Variants in METTL15 observed in about 807,000 individuals in gnomAD.
METTL15 encodes 12S rRNA N(4)-cytidine methyltransferase METTL15.
Under a neutral mutation model 38.3 loss-of-function variants are expected in METTL15, and 34 were observed. The ratio of observed to expected loss-of-function variants is 0.89; its 90% CI spans 0.68 to 1.18. METTL15 has a LOEUF of 1.18. METTL15 is among the 50% of genes most tolerant of loss of function. METTL15 has a pLI of 0.00. For missense variants in METTL15, 438 were observed against 498.4 expected (o/e 0.88, Z 1.15); for synonymous variants, 162 against 170.9 (o/e 0.95, Z 0.41).
intron 6 of METTL15, among the ~76,000 whole-genome samples, chr11:28,313,424 A>C (rs1360584497): frequency 6.6e-6 from 1 of 151,978 alleles, no homozygotes; most frequent in Non-Finnish European, 1.5e-5. Flanking sequence ...TTCATTATTA[A>C]TAATCAATGA....
intron 3 of METTL15, among the ~76,000 whole-genome samples, chr11:28,136,018 T>C (rs931920943): frequency 6.6e-6 from 1 of 152,180 alleles, no homozygotes; most frequent in Non-Finnish European, 1.5e-5. Flanking sequence ...TCCAAAGATA[T>C]CAGAAACCTG....
chr11:28,180,277 A>T (rs956319576), intron 3 of METTL15, among the ~76,000 whole-genome samples: 1 of 151,882 alleles, frequency 6.6e-6, no homozygotes, highest in African/African-American at 2.4e-5. Context: ...CAGACATTTT[A>T]AAATGTTTTC....
chr11:28,120,532 A>G (rs537305000), intron 3 of METTL15, among the ~76,000 whole-genome samples: 39 of 152,010 alleles, frequency 2.6e-4, no homozygotes, highest in Middle Eastern at 3.4e-3. Context: ...TGTGAATTAA[A>G]AAAAAACAAA....
intron 5 of METTL15, among the ~76,000 whole-genome samples, chr11:28,388,838 C>T (rs1320637921): frequency 1.3e-5 from 2 of 152,000 alleles, no homozygotes; most frequent in East Asian, 3.9e-4. Context: ...CCCCTACACC[C>T]ACCCCACAAC....
At chr11:28,444,028 A>G (rs1001918912) in intron 6 of METTL15, among the ~76,000 whole-genome samples, 2 of 152,220 alleles carry the variant, frequency 1.3e-5, no homozygotes, top group Non-Finnish European at 2.9e-5. Context: ...TGTAATTACA[A>G]ACTATAAACA....
chr11:28,428,687 A>G (rs895391142), intron 6 of METTL15, among the ~76,000 whole-genome samples: 5 of 152,204 alleles, frequency 3.3e-5, no homozygotes, highest in African/African-American at 1.2e-4. Flanking sequence ...TATATCTGAC[A>G]TAGGGGCTCA....
At chr11:28,439,740 AT>A in intron 6 of METTL15, among the ~76,000 whole-genome samples, 1 of 152,278 alleles carries the variant, frequency 6.6e-6, no homozygotes, top group East Asian at 1.9e-4. Flanking sequence ...ATCTGTTGGA[AT>A]TTTATAGGAC....
intron 4 of METTL15, among the ~76,000 whole-genome samples, chr11:28,272,539 C>T (rs1855686211): frequency 6.6e-6 from 1 of 152,058 alleles, no homozygotes; most frequent in South Asian, 2.1e-4. Context: ...GGACACAGGG[C>T]AGGGAACATC....
At chr11:28,424,227 A>T (rs1850846189) in intron 5 of METTL15, 1 of 152,316 alleles carries the variant, frequency 6.6e-6, no homozygotes, top group Middle Eastern at 3.4e-3. Flanking sequence ...ACTTCATCTT[A>T]CAGAAAACTA....
intron 3 of METTL15, among the ~76,000 whole-genome samples, chr11:28,202,897 G>A (rs1001508337): frequency 6.6e-6 from 1 of 152,094 alleles, no homozygotes; most frequent in African/African-American, 2.4e-5. Flanking sequence ...CCCTCATACT[G>A]TTATGGCTAA....
chr11:28,346,390 G>T (rs768704640), intron 3 of METTL15, among the ~76,000 whole-genome samples: 2 of 152,084 alleles, frequency 1.3e-5, no homozygotes, highest in Non-Finnish European at 2.9e-5. Context: ...AGTGTTAATT[G>T]CATTACTCAC....
At chr11:28,342,390 G>T (rs997342491) in intron 3 of METTL15, among the ~76,000 whole-genome samples, 33 of 151,938 alleles carry the variant, frequency 2.2e-4, no homozygotes, top group Middle Eastern at 6.8e-3. Context: ...GGCCTCCCGA[G>T]TAGCTGGGAC....
intron 5 of METTL15, among the ~76,000 whole-genome samples, chr11:28,365,548 T>C (rs1850177336): frequency 6.6e-6 from 1 of 152,078 alleles, no homozygotes; most frequent in Non-Finnish European, 1.5e-5. Flanking sequence ...TTGCATTTAT[T>C]TGAATCTTCT....
At chr11:28,154,279 A>T (rs192082557) in intron 3 of METTL15, among the ~76,000 whole-genome samples, 2 of 151,632 alleles carry the variant, frequency 1.3e-5, no homozygotes, top group Non-Finnish European at 2.9e-5. Flanking sequence ...TTGATTTCCC[A>T]TTTTTTTTGT....
At chr11:28,303,890 C>A (rs1191154227) in intron 6 of METTL15, among the ~76,000 whole-genome samples, 2 of 152,066 alleles carry the variant, frequency 1.3e-5, no homozygotes, top group Admixed American at 6.6e-5. Flanking sequence ...GACATGGAAT[C>A]AAAAATTCTC....
At chr11:28,466,694 C>T (rs890594641) in intron 6 of METTL15, among the ~76,000 whole-genome samples, 2 of 152,188 alleles carry the variant, frequency 1.3e-5, no homozygotes, top group East Asian at 3.9e-4. Flanking sequence ...AGCAACTCCA[C>T]AGTCTCATTT....
chr11:28,136,728 G>A (rs544609266), intron 3 of METTL15, among the ~76,000 whole-genome samples: 2 of 151,960 alleles, frequency 1.3e-5, no homozygotes, highest in Non-Finnish European at 2.9e-5. Flanking sequence ...CCTCTCTCTT[G>A]GATGCTCTAG....
chr11:28,312,903 T>C (rs2134029925), intron 6 of METTL15, among the ~76,000 whole-genome samples: 1 of 152,170 alleles, frequency 6.6e-6, no homozygotes, highest in South Asian at 2.1e-4. Flanking sequence ...CTCTCAATAC[T>C]GTTAACATTG....
intron 6 of METTL15, among the ~76,000 whole-genome samples, chr11:28,472,952 G>GTC (rs1192628566): frequency 6.6e-6 from 1 of 152,106 alleles, no homozygotes; most frequent in Non-Finnish European, 1.5e-5. Context: ...AGAGGACTAG[G>GTC]TCTAGGTCTG....
Sources: gnomAD v4.1 joint callset for allele counts (sites outside exome capture counted in the v4.1 genomes callset) on GRCh38, gnomAD v4.1.1 for gene constraint, MANE v1.5 for transcripts, NCBI Gene and HGNC (gene_info 2026-07-23, HGNC 2026-07-21) for gene names.